The following ODF2 variants were observed in gnomAD, a reference collection of about 807,000 sequenced individuals.
The protein encoded by ODF2 is outer dense fiber of sperm tails 2.
A neutral mutation model predicts 110.2 loss-of-function variants in ODF2; 47 were observed. The ratio of observed to expected loss-of-function variants is 0.43; its 90% CI spans 0.34 to 0.54. The LOEUF (loss-of-function observed/expected upper bound fraction) is 0.54. Among genes scored for constraint, ODF2 ranks in the 20% least tolerant of loss-of-function variants. ODF2 has a pLI of 0.03. For missense variants in ODF2, 812 were observed against 1,054.5 expected (o/e 0.77, Z 3.19); for synonymous variants, 352 against 397.7 (o/e 0.89, Z 1.37).
chr9:128,469,681 C>G (rs1452785290), intron 5 of ODF2, among the ~76,000 whole-genome samples: 2 of 152,008 alleles, frequency 1.3e-5, no homozygotes, highest in African/African-American at 2.4e-5. Context: ...AGGGCCTATG[C>G]CTTCCGCTTT....
intron 18 of ODF2, chr9:128,497,449 ATATATATATAT>A (rs1845827235): frequency 1.2e-4 from 6 of 52,134 alleles, no homozygotes; most frequent in African/African-American, 2.5e-4. Flanking sequence ...AAAAAAAAAT[ATATATATATAT>A]ATATATATAT....
intron 8 of ODF2, among the ~76,000 whole-genome samples, chr9:128,478,732 G>A (rs1841843509): frequency 1.3e-5 from 2 of 152,114 alleles, no homozygotes; most frequent in Non-Finnish European, 2.9e-5. Context: ...ACCCAAAAGT[G>A]GTGTTTTGTG....
At chr9:128,460,587 T>C in intron 3 of ODF2, 2 of 1,613,898 alleles carry the variant, frequency 1.2e-6, no homozygotes, top group Non-Finnish European at 1.7e-6. Context: ...ACTCCCCCCT[T>C]ACATGTTCAC....
intron 13 of ODF2, among the ~76,000 whole-genome samples, chr9:128,486,167 G>A (rs1843320804): frequency 1.3e-5 from 2 of 152,136 alleles, no homozygotes; most frequent in African/African-American, 4.8e-5. Flanking sequence ...GCTACAAGAG[G>A]CATGGACTCC....
chr9:128,460,854 C>T, intron 3 of ODF2, 88 bp from the exon 4 acceptor site: 1 of 1,568,644 alleles, frequency 6.4e-7, no homozygotes, highest in Non-Finnish European at 8.8e-7. Flanking sequence ...TCAGAAGAGG[C>T]ACTCTGCTAG....
At chr9:128,473,137 T>C (rs976152465) in intron 7 of ODF2, 95 bp downstream of exon 7, 5 of 1,563,336 alleles carry the variant, frequency 3.2e-6, no homozygotes, top group Non-Finnish European at 4.3e-6. Context: ...TCAGGCAGAC[T>C]TTATGACATC....
intron 4 of ODF2, among the ~76,000 whole-genome samples, chr9:128,468,396 G>A (rs1045836683): frequency 6.6e-6 from 1 of 151,992 alleles, no homozygotes; most frequent in Non-Finnish European, 1.5e-5. Flanking sequence ...ACAGGGTTTC[G>A]CTCTGTCACC....
In ODF2 at chr9:128,498,628, A is replaced by G; in HGVS notation, c.2175+53A>G. ...CTCTGTGACCTTGGGCAAATCACCT[A>G]AACTCTCAGCTTATTTCTCCATCTG... On this transcript the variant is annotated intron_variant, in intron 19 of 20. Transcript: ENST00000604420. The G allele has an allele frequency of 7.0e-6, 7 of 1,005,030 alleles. No homozygotes were observed. In the South Asian group the frequency reaches 1.1e-4, roughly 16 times the overall value. 62.3% of individuals were successfully genotyped at this position (1,005,030 alleles called of 1,614,324 possible).
chr9:128,455,318 GAGGC>G, upstream of ODF2: 1 of 1,154,518 alleles, frequency 8.7e-7, no homozygotes, highest in Non-Finnish European at 1.2e-6. Context: ...TTGGAAGGCC[GAGGC>G]GGGTGGATCA....
intron 1 of ODF2, chr9:128,456,652 C>T: frequency 6.8e-7 from 1 of 1,476,404 alleles, no homozygotes; most frequent in Non-Finnish European, 8.9e-7. Flanking sequence ...TCGCCCCGAC[C>T]GCCTCGTCCT....
intron 16 of ODF2, 110 bp downstream of exon 16, chr9:128,492,915 A>G (rs1844871171): frequency 1.2e-6 from 1 of 849,932 alleles, no homozygotes; most frequent in Non-Finnish European, 1.9e-6. Context: ...TTGGGCAACA[A>G]AGGTGAGCTC....
intron 4 of ODF2, 85 bp downstream of exon 4, chr9:128,461,152 A>G (rs1264714726): frequency 5.3e-6 from 8 of 1,521,276 alleles, no homozygotes; most frequent in Admixed American, 2.0e-5. Flanking sequence ...AGGGTCAGCT[A>G]TAGCTACTGG....
exon 6 of ODF2, chr9:128,471,394 G>A (rs759341503): frequency 6.2e-7 from 1 of 1,613,468 alleles, no homozygotes; most frequent in South Asian, 1.1e-5. Flanking sequence ...CCCACGAACT[G>A]GCTGAGACTG....
intron 3 of ODF2, chr9:128,460,155 C>A: frequency 7.7e-7 from 1 of 1,297,376 alleles, no homozygotes; most frequent in South Asian, 1.2e-5. Context: ...TCTGCATGCC[C>A]AGTTGAGATC....
intron 1 of ODF2, chr9:128,457,152 T>G: frequency 1.4e-6 from 2 of 1,401,220 alleles, no homozygotes; most frequent in Non-Finnish European, 1.9e-6. Context: ...TCCTCCCCTC[T>G]GCCCCCAGGT....
intron 8 of ODF2, among the ~76,000 whole-genome samples, chr9:128,479,981 G>T (rs1393079625): frequency 6.6e-6 from 1 of 152,250 alleles, no homozygotes; most frequent in East Asian, 1.9e-4. Context: ...GGTTAGCCAG[G>T]TGTGGTGGCA....
At chr9:128,479,440 A>G (rs1181216542) in intron 8 of ODF2, among the ~76,000 whole-genome samples, 1 of 152,228 alleles carries the variant, frequency 6.6e-6, no homozygotes, top group Non-Finnish European at 1.5e-5. Context: ...AAATGAAACC[A>G]GCAGGAGTGC....
At chr9:128,457,182 C>A (rs1489892618) in intron 1 of ODF2, 5 of 1,440,600 alleles carry the variant, frequency 3.5e-6, no homozygotes, top group African/African-American at 1.4e-5. Flanking sequence ...TCTACTATTT[C>A]CCCCTACTTT....
intron 13 of ODF2, among the ~76,000 whole-genome samples, chr9:128,486,155 G>C (rs77475784): frequency 8.6e-4 from 131 of 152,278 alleles, no homozygotes; most frequent in African/African-American, 2.8e-3. Context: ...AGAGGAGATA[G>C]GGCTACAAGA....
Sources: allele counts gnomAD v4.1 joint callset (sites outside exome capture counted in the v4.1 genomes callset), GRCh38; gene constraint gnomAD v4.1.1; transcripts MANE v1.5; gene names NCBI Gene and HGNC (gene_info 2026-07-23, HGNC 2026-07-21).